The following CEP164 variants were observed in gnomAD, a reference collection of about 807,000 sequenced individuals.
CEP164 encodes centrosomal protein 164.
Under a neutral mutation model 182.7 loss-of-function variants are expected in CEP164, and 162 were observed. The observed-to-expected ratio is 0.89, with a 90% confidence interval of 0.78 to 1.01. The LOEUF is 1.01. Among genes scored for constraint, CEP164 ranks in the 50% least tolerant of loss-of-function variants. CEP164 has a pLI of 0.00. For missense variants in CEP164, 1,735 were observed against 1,790.4 expected, an observed-to-expected ratio of 0.97 and a Z score of 0.56; for synonymous variants, 661 against 690.0, an observed-to-expected ratio of 0.96 and a Z score of 0.66.
chr11:117,372,578 G>C (rs2135945015), intron 9 of CEP164, among the ~76,000 whole-genome samples: 1 of 152,140 alleles, frequency 6.6e-6, no homozygotes, highest in South Asian at 2.1e-4. Context: ...ACCACACCCA[G>C]CTAATTTTTT....
At chr11:117,392,159 T>G (rs2044735882) in intron 17 of CEP164, 67 bp from the exon 18 acceptor site, 1 of 1,427,564 alleles carries the variant, frequency 7.0e-7, no homozygotes, top group Non-Finnish European at 9.4e-7. Flanking sequence ...GTAGTCTTCC[T>G]GGCTCCGCCT....
intron 17 of CEP164, among the ~76,000 whole-genome samples, chr11:117,391,461 C>G (rs1299710006): frequency 2.0e-5 from 3 of 152,028 alleles, no homozygotes; most frequent in Non-Finnish European, 4.4e-5. Flanking sequence ...CAAGGCTCCT[C>G]CAGGGTCAGG....
Position 117,407,981 on chromosome 11 carries a change from G to A in CEP164, c.3558G>A (p.Leu1186=), listed in dbSNP as rs1295395116. 1.2e-6 allele frequency: 2 copies of A among 1,602,208 alleles called. No individual in the cohort carries two copies. The highest frequency in any genetic ancestry group is 3.4e-5 in the Admixed American group (2 of 58,504). ...KSAMRKGHNL[L]KKKEEKLNQL... ...CCATGCGGAAAGGCCACAACCTGCT[G>A]AAGAAGAAAGAGGAGAAGCTGAATC... Residue 1186 remains leucine, a synonymous_variant, in exon 28 of 33, where the codon CTG becomes CTA. Transcript: ENST00000278935.
intron 15 of CEP164, among the ~76,000 whole-genome samples, chr11:117,389,377 T>C (rs1379090967): frequency 1.3e-5 from 2 of 152,198 alleles, no homozygotes; most frequent in Admixed American, 1.3e-4. Context: ...CACGGCTTGC[T>C]TATAGTTTGG....
intron 8 of CEP164, among the ~76,000 whole-genome samples, chr11:117,369,591 C>A (rs1172029065): frequency 6.6e-6 from 1 of 152,208 alleles, no homozygotes; most frequent in Admixed American, 6.5e-5. Flanking sequence ...AGGGCTTCTT[C>A]TTGGACCTCT....
Position 117,381,827 on chromosome 11 carries a change from G to A in CEP164, c.1536G>A (p.Glu512=). ...PEWKEAEELG[E]DSAASLSLQL... The stretch of plus-strand genomic sequence containing the variant: ...GGAAGGAGGCAGAGGAGCTTGGGGA[G>A]GACTCTGCAGCCAGCCTCAGCCTGC... The change falls in exon 13 of 33, where the codon GAG becomes GAA. Residue 512 remains glutamate (E), a synonymous_variant. Transcript: ENST00000278935. 3 of 1,538,816 alleles carry A rather than the reference G, an allele frequency of 1.9e-6. No individual in the cohort carries two copies. The highest frequency in any genetic ancestry group is 2.6e-6 in the Non-Finnish European group (3 of 1,141,856).
intron 11 of CEP164, among the ~76,000 whole-genome samples, chr11:117,378,759 G>A (rs1381258414): frequency 1.3e-5 from 2 of 152,136 alleles, no homozygotes; most frequent in African/African-American, 2.4e-5. Flanking sequence ...GTATTTCCCC[G>A]AGGATCCCCT....
At chr11:117,410,321 C>T in intron 30 of CEP164, 1 of 395,372 alleles carries the variant, frequency 2.5e-6, no homozygotes, top group South Asian at 3.0e-5. Context: ...ACATGATGGG[C>T]CAAGCAGTTT....
At chr11:117,408,054 G>GT in intron 28 of CEP164, 22 bp downstream of exon 28, 1 of 1,515,778 alleles carries the variant, frequency 6.6e-7, no homozygotes, top group Non-Finnish European at 9.0e-7. Context: ...TGTCCACATA[G>GT]TCCAGTGGGC....
chr11:117,340,920 A>G (rs1010310963), intron 3 of CEP164, among the ~76,000 whole-genome samples: 4 of 152,146 alleles, frequency 2.6e-5, no homozygotes, highest in Non-Finnish European at 4.4e-5. Context: ...TGCAACCTCC[A>G]GGTTCAAGTG....
intron 1 of CEP164, among the ~76,000 whole-genome samples, chr11:117,329,212 T>C (rs2035807491): frequency 6.6e-6 from 1 of 151,930 alleles, no homozygotes; most frequent in South Asian, 2.1e-4. Flanking sequence ...TCCTCCCACC[T>C]CAGTCTCCTT....
At chr11:117,378,650 G>C (rs557033347) in intron 11 of CEP164, among the ~76,000 whole-genome samples, 1 of 152,308 alleles carries the variant, frequency 6.6e-6, no homozygotes, top group African/African-American at 2.4e-5. Context: ...GAAGAATGCT[G>C]ACCTTGGCTG....
chr11:117,369,641 G>A (rs9651682), intron 8 of CEP164, among the ~76,000 whole-genome samples: 41,003 of 152,024 alleles, frequency 0.27, 5,576 homozygotes, highest in Middle Eastern at 0.31. Context: ...CTTCAGAACA[G>A]GGAATCAGGA....
intron 5 of CEP164, among the ~76,000 whole-genome samples, chr11:117,360,756 C>T (rs1472345349): frequency 1.3e-5 from 2 of 152,200 alleles, no homozygotes; most frequent in Non-Finnish European, 2.9e-5. Flanking sequence ...TATAGCACTT[C>T]ACTGTACAGA....
chr11:117,369,566 A>G (rs1167265215), intron 8 of CEP164, among the ~76,000 whole-genome samples: 1 of 152,222 alleles, frequency 6.6e-6, no homozygotes, highest in Non-Finnish European at 1.5e-5. Flanking sequence ...CAGAGCATCA[A>G]TAAATGCCAT....
intron 2 of CEP164, chr11:117,336,248 G>A (rs2037094383): frequency 1.9e-6 from 3 of 1,587,270 alleles, no homozygotes; most frequent in Non-Finnish European, 2.6e-6. Flanking sequence ...GAGGAGGAAT[G>A]CTTGCCATGC....
chr11:117,331,714 A>G (rs1241188476), intron 1 of CEP164, among the ~76,000 whole-genome samples: 1 of 150,216 alleles, frequency 6.7e-6, no homozygotes. Context: ...GACCAAAACT[A>G]CTGCGGGTCT....
chr11:117,389,943 T>G (rs1377157399), intron 15 of CEP164, among the ~76,000 whole-genome samples: 1 of 148,248 alleles, frequency 6.7e-6, no homozygotes, highest in African/African-American at 2.5e-5. Flanking sequence ...GTTTGCTTTT[T>G]TTTTTTTTTT....
chr11:117,357,524 C>G (rs1438969471), intron 5 of CEP164, among the ~76,000 whole-genome samples: 3 of 150,548 alleles, frequency 2.0e-5, no homozygotes, highest in Middle Eastern at 6.8e-3. Context: ...TGGGTTCAAG[C>G]TATTCTTGTG....
Sources: gnomAD v4.1 joint callset for allele counts (sites outside exome capture counted in the v4.1 genomes callset) on GRCh38, gnomAD v4.1.1 for gene constraint, MANE v1.5 for transcripts, NCBI Gene and HGNC (gene_info 2026-07-23, HGNC 2026-07-21) for gene names.